Variants in C1orf21 observed in about 807,000 individuals in gnomAD.
C1orf21 encodes the protein chromosome 1 open reading frame 21, also known as uncharacterized protein C1orf21.
In C1orf21, 3 loss-of-function variants were observed where a neutral mutation model predicts 18.7. That is an observed-to-expected ratio of 0.16 (90% CI 0.07 to 0.42). The LOEUF (loss-of-function observed/expected upper bound fraction) is 0.42. C1orf21 is among the 10% of genes least tolerant of loss of function. The pLI is 0.99. For missense variants in C1orf21, 104 were observed against 143.6 expected (o/e 0.72, Z 1.41); for synonymous variants, 41 against 46.4 (o/e 0.88, Z 0.47).
At chr1:184,400,558 G>C (rs959281843) in intron 1 of C1orf21, among the ~76,000 whole-genome samples, 10 of 151,832 alleles carry the variant, frequency 6.6e-5, no homozygotes, top group African/African-American at 2.4e-4. Context: ...CTGTACCATG[G>C]GTAGAAATTT....
chr1:184,445,084 G>A (rs1158434136), intron 1 of C1orf21, among the ~76,000 whole-genome samples: 1 of 152,124 alleles, frequency 6.6e-6, no homozygotes, highest in Non-Finnish European at 1.5e-5. Context: ...TAGAGACAAC[G>A]GTTGAGTTGG....
chr1:184,477,391 C>A lies in C1orf21; in HGVS notation c.-119C>A. Reference sequence around the variant, plus strand: ...CTAGCTTTCTTTTCTTGCAGGTGCACACATCTTGACCAACTCAGCAGCAAG... The same window carrying A: ...CTAGCTTTCTTTTCTTGCAGGTGCAAACATCTTGACCAACTCAGCAGCAAG... On this transcript the variant is annotated 5_prime_UTR_variant, in exon 2 of 6. Transcript: ENST00000235307. 1 of 727,218 alleles carries A rather than the reference C, an allele frequency of 1.4e-6. No individual in the cohort carries two copies. The highest frequency in any genetic ancestry group is 2.3e-6 in the Non-Finnish European group (1 of 439,116). 45.0% of individuals were successfully genotyped at this position (727,218 alleles called of 1,614,324 possible).
At chr1:184,538,738 C>T (rs1424773211) in intron 3 of C1orf21, among the ~76,000 whole-genome samples, 2 of 152,154 alleles carry the variant, frequency 1.3e-5, no homozygotes, top group Non-Finnish European at 2.9e-5. Context: ...ATGGTCTTGG[C>T]AACCTTGTCA....
chr1:184,396,789 C>G (rs1359184545), intron 1 of C1orf21, among the ~76,000 whole-genome samples: 2 of 152,116 alleles, frequency 1.3e-5, no homozygotes, highest in Admixed American at 1.3e-4. Flanking sequence ...TGTAATTGCT[C>G]ATTCATTTTT....
chr1:184,461,929 A>G (rs1216531336), intron 1 of C1orf21, among the ~76,000 whole-genome samples: 1 of 152,344 alleles, frequency 6.6e-6, no homozygotes, highest in East Asian at 1.9e-4. Context: ...CCAGTAAAAC[A>G]TCTCTATTCT....
At chr1:184,588,489 G>C (rs1468304377) in intron 3 of C1orf21, among the ~76,000 whole-genome samples, 2 of 152,084 alleles carry the variant, frequency 1.3e-5, no homozygotes, top group Non-Finnish European at 2.9e-5. Context: ...ATGGAGTTTG[G>C]GGCCAAACTG....
chr1:184,452,327 A>G lies in C1orf21; in HGVS notation c.-124-25059A>G, dbSNP rs531867747. 2.1e-4 allele frequency among the ~76,000 whole-genome samples: 32 copies of G among 152,312 alleles called. No individual in the cohort carries two copies. In the South Asian group the frequency reaches 5.0e-3, roughly 24 times the overall value. Reference sequence around the variant, plus strand: ...CCCCACAGGCTGAGTGCAAAGCACAATTTCTCTTCATTGCAGGTGTGAGTG... The same window carrying G: ...CCCCACAGGCTGAGTGCAAAGCACAGTTTCTCTTCATTGCAGGTGTGAGTG... On this transcript the variant is annotated intron_variant, in intron 1 of 5. Transcript: ENST00000235307.
At chr1:184,451,922 G>T (rs538186327) in intron 1 of C1orf21, among the ~76,000 whole-genome samples, 1 of 152,170 alleles carries the variant, frequency 6.6e-6, no homozygotes, top group Admixed American at 6.5e-5. Context: ...AAATAATTTT[G>T]TTTTTAAAAA....
intron 2 of C1orf21, among the ~76,000 whole-genome samples, chr1:184,487,695 A>G (rs1657753192): frequency 6.6e-6 from 1 of 152,176 alleles, no homozygotes; most frequent in Non-Finnish European, 1.5e-5. Context: ...CTGAAATACA[A>G]TGTTATGGTA....
intron 1 of C1orf21, among the ~76,000 whole-genome samples, chr1:184,439,344 A>C (rs6695258): frequency 0.077 from 11,654 of 151,468 alleles, 774 homozygotes; most frequent in African/African-American, 0.17. Context: ...CACCTTGAAC[A>C]GGTTACTTAC....
intron 4 of C1orf21, 63 bp downstream of exon 4, chr1:184,590,878 G>A: frequency 2.1e-6 from 3 of 1,399,410 alleles, no homozygotes; most frequent in Non-Finnish European, 3.0e-6. Flanking sequence ...TTCTGCATCT[G>A]TGGATTCAAC....
At position 184,522,940 on chromosome 1, in the gene C1orf21, G is replaced by A. The variant is rs144702973; in HGVS notation, c.189+15258G>A. Among the ~76,000 whole-genome samples, 26 of 152,154 alleles carry A rather than the reference G, an allele frequency of 1.7e-4. No homozygotes were observed. In the East Asian group the frequency reaches 4.1e-3, roughly 24 times the overall value. ...TGAGCTCAAGCAATCCACCTGCCTCGGCCTCCCAAAGTGCTGGGATGACGG... is the reference window on the plus strand; with the variant it reads ...TGAGCTCAAGCAATCCACCTGCCTCAGCCTCCCAAAGTGCTGGGATGACGG... On this transcript the variant is annotated intron_variant, in intron 3 of 5. Transcript: ENST00000235307.
intron 3 of C1orf21, among the ~76,000 whole-genome samples, chr1:184,522,135 A>T (rs1658313929): frequency 6.6e-6 from 1 of 152,178 alleles, no homozygotes; most frequent in Admixed American, 6.6e-5. Context: ...AGAGTTAGAG[A>T]TGTCAGTATG....
chr1:184,540,781 T>C (rs1658637596), intron 3 of C1orf21, among the ~76,000 whole-genome samples: 1 of 151,992 alleles, frequency 6.6e-6, no homozygotes, highest in African/African-American at 2.4e-5. Flanking sequence ...AAAAAGTTAT[T>C]TTTGTAGTTC....
intron 1 of C1orf21, among the ~76,000 whole-genome samples, chr1:184,407,431 A>G (rs904678235): frequency 1.3e-5 from 2 of 152,240 alleles, no homozygotes; most frequent in African/African-American, 4.8e-5. Flanking sequence ...TTTGTCTGGT[A>G]ACATGTAATG....
At chr1:184,484,742 T>C (rs1276600608) in intron 2 of C1orf21, among the ~76,000 whole-genome samples, 3 of 152,222 alleles carry the variant, frequency 2.0e-5, no homozygotes, top group East Asian at 3.9e-4. Flanking sequence ...TCTTCTGGAA[T>C]GATGGTGTGA....
chr1:184,544,084 A>G (rs1658695397), intron 3 of C1orf21, among the ~76,000 whole-genome samples: 1 of 152,212 alleles, frequency 6.6e-6, no homozygotes. Flanking sequence ...TAACACTTGA[A>G]TTTACATCTC....
At chr1:184,572,678 G>T (rs149404761) in intron 3 of C1orf21, among the ~76,000 whole-genome samples, 1 of 152,274 alleles carries the variant, frequency 6.6e-6, no homozygotes, top group Non-Finnish European at 1.5e-5. Context: ...TTCAGGCCAG[G>T]TGCGGTGGCT....
chr1:184,619,494 C>T lies in C1orf21; in HGVS notation c.328-24C>T. ...CTGCTTTGAATTTCTCATTCACATG[C>T]TCTTTTTTCTTTTTCCCTCCAAGGG... On this transcript the variant is annotated intron_variant, in intron 5 of 5. Coordinates refer to ENST00000235307, the MANE Select transcript of C1orf21 (RefSeq NM_030806.4). The T allele has an allele frequency of 1.9e-6, 3 of 1,609,778 alleles. No individual in the cohort carries two copies. In the South Asian group the frequency reaches 3.3e-5, roughly 18 times the overall value.
Sources: allele counts gnomAD v4.1 joint callset (sites outside exome capture counted in the v4.1 genomes callset), GRCh38; gene constraint gnomAD v4.1.1; transcripts MANE v1.5; gene names NCBI Gene and HGNC (gene_info 2026-07-23, HGNC 2026-07-21).